Variants in CNTNAP2 observed in about 807,000 individuals in gnomAD.
CNTNAP2 encodes contactin associated protein 2.
In CNTNAP2, 98 loss-of-function variants were observed where a neutral mutation model predicts 155.2. The ratio of observed to expected loss-of-function variants is 0.63; its 90% CI spans 0.54 to 0.75. CNTNAP2 has a LOEUF of 0.75. Ranked by LOEUF, CNTNAP2 falls within the 30% of genes least tolerant of loss-of-function variation. CNTNAP2 has a pLI of 0.00. For missense variants in CNTNAP2, 1,727 were observed against 1,688.1 expected, an observed-to-expected ratio of 1.02 and a Z score of -0.40; for synonymous variants, 651 against 631.2, an observed-to-expected ratio of 1.03 and a Z score of -0.47.
chr7:148,381,173 G>A (rs930855791), intron 21 of CNTNAP2, among the ~76,000 whole-genome samples: 1 of 152,226 alleles, frequency 6.6e-6, no homozygotes, highest in African/African-American at 2.4e-5. Context: ...AAGCCCCAGA[G>A]GGCATGTTAC....
At chr7:146,177,126 A>C (rs1175071599) in intron 1 of CNTNAP2, among the ~76,000 whole-genome samples, 2 of 152,170 alleles carry the variant, frequency 1.3e-5, no homozygotes, top group African/African-American at 4.8e-5. Context: ...CAGTCCTTTC[A>C]TGCTGCTTAC....
intron 1 of CNTNAP2, among the ~76,000 whole-genome samples, chr7:146,562,024 A>G (rs951532535): frequency 1.2e-4 from 18 of 152,092 alleles, no homozygotes; most frequent in African/African-American, 4.3e-4. Context: ...TCCTGGGCTC[A>G]AGCAATCCTC....
chr7:146,807,243 C>T (rs1802984755), intron 2 of CNTNAP2, among the ~76,000 whole-genome samples: 1 of 152,072 alleles, frequency 6.6e-6, no homozygotes, highest in Non-Finnish European at 1.5e-5. Flanking sequence ...TAGAATCTTA[C>T]AGTTTAACTG....
intron 1 of CNTNAP2, among the ~76,000 whole-genome samples, chr7:146,209,315 G>C (rs1010836238): frequency 2.0e-5 from 3 of 152,120 alleles, no homozygotes; most frequent in Admixed American, 1.3e-4. Context: ...GGTCTCTTAT[G>C]GGCACTGCAT....
intron 12 of CNTNAP2, among the ~76,000 whole-genome samples, chr7:147,620,115 A>T (rs915571947): frequency 6.6e-6 from 1 of 152,238 alleles, no homozygotes; most frequent in Non-Finnish European, 1.5e-5. Context: ...GAAACACAGC[A>T]TTACTGGGCT....
intron 1 of CNTNAP2, among the ~76,000 whole-genome samples, chr7:146,383,886 T>A (rs1795424791): frequency 6.6e-6 from 1 of 152,196 alleles, no homozygotes; most frequent in Non-Finnish European, 1.5e-5. Flanking sequence ...TTTTATGTGT[T>A]AGCCTCAGCA....
At chr7:147,212,889 C>T (rs1803187737) in intron 8 of CNTNAP2, among the ~76,000 whole-genome samples, 2 of 152,098 alleles carry the variant, frequency 1.3e-5, no homozygotes, top group Admixed American at 1.3e-4. Context: ...AAAATATATT[C>T]TCAAATTCCT....
At chr7:147,947,958 T>C (rs139137229) in intron 14 of CNTNAP2, among the ~76,000 whole-genome samples, 353 of 152,284 alleles carry the variant, frequency 2.3e-3, no homozygotes, top group African/African-American at 8.3e-3. Context: ...GGAAACATGG[T>C]CTCTATTGGC....
intron 12 of CNTNAP2, among the ~76,000 whole-genome samples, chr7:147,590,446 C>A (rs184998107): frequency 6.6e-6 from 1 of 152,128 alleles, no homozygotes; most frequent in South Asian, 2.1e-4. Context: ...CTTCCCCCTT[C>A]GCTTAGCACT....
intron 1 of CNTNAP2, among the ~76,000 whole-genome samples, chr7:146,427,953 T>C (rs1221751417): frequency 1.3e-5 from 2 of 152,286 alleles, no homozygotes; most frequent in East Asian, 1.9e-4. Flanking sequence ...CCATATGTTG[T>C]CATCATTCAG....
At chr7:147,732,705 C>T (rs1039017049) in intron 13 of CNTNAP2, among the ~76,000 whole-genome samples, 5 of 152,176 alleles carry the variant, frequency 3.3e-5, no homozygotes, top group Non-Finnish European at 5.9e-5. Flanking sequence ...CCTGCTGTTT[C>T]CTGACTTTTT....
chr7:146,676,863 C>T (rs1800407295), intron 1 of CNTNAP2, among the ~76,000 whole-genome samples: 1 of 152,098 alleles, frequency 6.6e-6, no homozygotes, highest in African/African-American at 2.4e-5. Flanking sequence ...CTACTGGGTC[C>T]CTCCCACAAC....
At chr7:146,647,754 A>G (rs1799839300) in intron 1 of CNTNAP2, among the ~76,000 whole-genome samples, 2 of 152,146 alleles carry the variant, frequency 1.3e-5, no homozygotes, top group Non-Finnish European at 2.9e-5. Context: ...GTTAGAAGCA[A>G]TCATTCTCTC....
chr7:147,497,652 A>G (rs1027710295), intron 11 of CNTNAP2, among the ~76,000 whole-genome samples: 3 of 152,166 alleles, frequency 2.0e-5, no homozygotes, highest in African/African-American at 7.2e-5. Context: ...TTTCTACCAT[A>G]TGGCTATCTG....
At chr7:146,731,235 G>GA (rs1404531511) in intron 1 of CNTNAP2, among the ~76,000 whole-genome samples, 2 of 152,116 alleles carry the variant, frequency 1.3e-5, no homozygotes, top group African/African-American at 4.8e-5. Context: ...GGGATGAGGG[G>GA]AGAGTCTTGC....
At chr7:146,835,781 G>A (rs1176922207) in intron 2 of CNTNAP2, among the ~76,000 whole-genome samples, 1 of 152,038 alleles carries the variant, frequency 6.6e-6, no homozygotes, top group Non-Finnish European at 1.5e-5. Context: ...GAAAACCTGT[G>A]GAAGAGAAAG....
intron 1 of CNTNAP2, among the ~76,000 whole-genome samples, chr7:146,121,003 A>G (rs1486037807): frequency 2.6e-5 from 4 of 152,084 alleles, no homozygotes; most frequent in Non-Finnish European, 5.9e-5. Context: ...GTCTATTTTA[A>G]GTGGGAAAAC....
intron 12 of CNTNAP2, among the ~76,000 whole-genome samples, chr7:147,608,171 A>G (rs1237479062): frequency 1.3e-5 from 2 of 150,784 alleles, no homozygotes; most frequent in Admixed American, 6.7e-5. Flanking sequence ...CAGTGTGTAC[A>G]CTTACCATAG....
chr7:147,889,437 A>C (rs1799650714), intron 13 of CNTNAP2, among the ~76,000 whole-genome samples: 1 of 152,130 alleles, frequency 6.6e-6, no homozygotes, highest in Non-Finnish European at 1.5e-5. Context: ...ATAGAAAACA[A>C]GGCCAGGAGA....
Sources: gnomAD v4.1 joint callset for allele counts (sites outside exome capture counted in the v4.1 genomes callset) on GRCh38, gnomAD v4.1.1 for gene constraint, MANE v1.5 for transcripts, NCBI Gene and HGNC (gene_info 2026-07-23, HGNC 2026-07-21) for gene names.